WWOX: variants seen among roughly 807,000 people sequenced by gnomAD.
WWOX encodes the protein WW domain containing oxidoreductase.
Under a neutral mutation model 46.2 loss-of-function variants are expected in WWOX, and 69 were observed. The ratio of observed to expected loss-of-function variants is 1.49; its 90% CI spans 1.23 to 1.82. The LOEUF is 1.82. WWOX is among the 40% of genes most tolerant of loss of function. The pLI, the probability that WWOX is intolerant of heterozygous loss-of-function variation, is 0.00. For missense variants in WWOX, 919 were observed against 542.6 expected (o/e 1.69, Z -6.89); for synonymous variants, 359 against 202.6 (o/e 1.77, Z -6.56).
intron 8 of WWOX, among the ~76,000 whole-genome samples, chr16:78,894,780 T>A (rs62036257): frequency 0.12 from 18,916 of 152,128 alleles, 1,513 homozygotes; most frequent in Non-Finnish European, 0.17. Flanking sequence ...TGAAGATGTT[T>A]ATCATATGAA....
At chr16:78,374,074 A>G (rs1008534748) in intron 5 of WWOX, among the ~76,000 whole-genome samples, 5 of 152,254 alleles carry the variant, frequency 3.3e-5, no homozygotes, top group Admixed American at 6.5e-5. Flanking sequence ...GGCGTGAGCC[A>G]TTATGCCTGG....
At chr16:78,216,446 A>T (rs959260351) in intron 5 of WWOX, among the ~76,000 whole-genome samples, 7 of 152,150 alleles carry the variant, frequency 4.6e-5, no homozygotes, top group African/African-American at 1.7e-4. Context: ...GTTCTGTAAG[A>T]TAGAAGTCCT....
At chr16:79,147,724 C>T (rs1446118526) in intron 8 of WWOX, among the ~76,000 whole-genome samples, 2 of 152,142 alleles carry the variant, frequency 1.3e-5, no homozygotes, top group African/African-American at 4.8e-5. Context: ...TCTAGTTTCA[C>T]TATATCTTCA....
At chr16:79,193,380 C>A (rs2051175362) in intron 8 of WWOX, among the ~76,000 whole-genome samples, 1 of 152,208 alleles carries the variant, frequency 6.6e-6, no homozygotes, top group Non-Finnish European at 1.5e-5. Flanking sequence ...TAGGGCATCT[C>A]CCCAAACTGC....
chr16:78,715,380 C>T (rs929842782), intron 8 of WWOX, among the ~76,000 whole-genome samples: 17 of 152,094 alleles, frequency 1.1e-4, no homozygotes, highest in Non-Finnish European at 2.9e-5. Flanking sequence ...GTTATTCATT[C>T]TTCTGGGATC....
At chr16:78,861,666 T>C (rs73579347) in intron 8 of WWOX, among the ~76,000 whole-genome samples, 9 of 152,368 alleles carry the variant, frequency 5.9e-5, no homozygotes, top group African/African-American at 2.2e-4. Flanking sequence ...GGCCCATTTT[T>C]CCAATCATTC....
chr16:78,485,653 A>G (rs1249273146), intron 8 of WWOX, among the ~76,000 whole-genome samples: 1 of 152,218 alleles, frequency 6.6e-6, no homozygotes, highest in African/African-American at 2.4e-5. Context: ...CGCCGCGTGA[A>G]GGACATCTGC....
intron 4 of WWOX, among the ~76,000 whole-genome samples, chr16:78,148,238 T>C (rs868868077): frequency 6.6e-6 from 1 of 152,194 alleles, no homozygotes; most frequent in Non-Finnish European, 1.5e-5. Context: ...ACTTTGGTTG[T>C]CTTAGTAGAT....
intron 8 of WWOX, among the ~76,000 whole-genome samples, chr16:78,777,059 G>A (rs1378122171): frequency 6.6e-6 from 1 of 152,188 alleles, no homozygotes; most frequent in Non-Finnish European, 1.5e-5. Context: ...GGATAAATGT[G>A]ATGAAAATGA....
At chr16:78,950,552 AC>A (rs2046039590) in intron 8 of WWOX, among the ~76,000 whole-genome samples, 6 of 151,794 alleles carry the variant, frequency 4.0e-5, no homozygotes, top group Middle Eastern at 3.4e-3. Flanking sequence ...ACACACACAC[AC>A]ACACACACAC....
intron 8 of WWOX, among the ~76,000 whole-genome samples, chr16:78,733,102 G>C (rs2049004473): frequency 6.6e-6 from 1 of 151,864 alleles, no homozygotes; most frequent in Admixed American, 6.6e-5. Flanking sequence ...TGTCCCATTT[G>C]CTCCGCTGTT....
intron 8 of WWOX, among the ~76,000 whole-genome samples, chr16:78,584,656 G>C (rs1482457309): frequency 1.3e-5 from 2 of 152,182 alleles, no homozygotes; most frequent in African/African-American, 2.4e-5. Context: ...GATACCACTT[G>C]TGTAAACGTG....
chr16:78,718,399 G>A (rs551025523), intron 8 of WWOX, among the ~76,000 whole-genome samples: 1 of 152,234 alleles, frequency 6.6e-6, no homozygotes, highest in South Asian at 2.1e-4. Context: ...AGTATTTGGA[G>A]TTAAATAAAT....
chr16:79,146,327 A>T (rs955823620), intron 8 of WWOX, among the ~76,000 whole-genome samples: 26 of 152,178 alleles, frequency 1.7e-4, no homozygotes, highest in Non-Finnish European at 2.5e-4. Flanking sequence ...GCCTTCTTTG[A>T]TGCCCCGTCT....
chr16:78,892,995 C>A (rs9924856), intron 8 of WWOX, among the ~76,000 whole-genome samples: 14 of 152,094 alleles, frequency 9.2e-5, no homozygotes, highest in African/African-American at 3.4e-4. Flanking sequence ...CCTTCAAGAG[C>A]GACAGCAGGA....
chr16:78,643,244 G>T (rs978904815), intron 8 of WWOX, among the ~76,000 whole-genome samples: 1 of 152,276 alleles, frequency 6.6e-6, no homozygotes, highest in South Asian at 2.1e-4. Flanking sequence ...TAGAAAACAT[G>T]AATAATTATC....
chr16:78,825,519 C>A, intron 8 of WWOX: 3 of 507,774 alleles, frequency 5.9e-6, no homozygotes, highest in South Asian at 4.4e-5. Flanking sequence ...TGGCTTCCCA[C>A]AGGGCATTGT....
At chr16:78,518,592 A>G (rs1275234106) in intron 8 of WWOX, among the ~76,000 whole-genome samples, 1 of 152,166 alleles carries the variant, frequency 6.6e-6, no homozygotes, top group Non-Finnish European at 1.5e-5. Context: ...TACACAATGG[A>G]AACTTATAAT....
intron 8 of WWOX, among the ~76,000 whole-genome samples, chr16:79,055,247 C>A (rs2048240025): frequency 6.6e-6 from 1 of 151,546 alleles, no homozygotes; most frequent in African/African-American, 2.5e-5. Flanking sequence ...GCTTAATTAG[C>A]CAGCCTTTCT....
Sources: gnomAD v4.1 joint callset for allele counts (sites outside exome capture counted in the v4.1 genomes callset) on GRCh38, gnomAD v4.1.1 for gene constraint, MANE v1.5 for transcripts, NCBI Gene and HGNC (gene_info 2026-07-23, HGNC 2026-07-21) for gene names.